The following NCOA7 variants were observed in gnomAD, a reference collection of about 807,000 sequenced individuals.
NCOA7 encodes the protein 140 kDa estrogen receptor-associated protein.
A neutral mutation model predicts 104.3 loss-of-function variants in NCOA7; 45 were observed. The observed-to-expected ratio is 0.43, with a 90% CI of 0.34 to 0.55. The LOEUF (loss-of-function observed/expected upper bound fraction) is 0.55, where lower values mean the gene tolerates loss of function less well. Among genes scored for constraint, NCOA7 ranks in the 20% least tolerant of loss-of-function variants. The pLI is 0.02. For synonymous variants in NCOA7, 398 were observed against 402.3 expected (o/e 0.99, Z 0.13); for missense variants, 1,041 against 1,119.7 (o/e 0.93, Z 1.00).
At chr6:125,818,016 C>T (rs1442536450) in intron 2 of NCOA7, among the ~76,000 whole-genome samples, 1 of 151,646 alleles carries the variant, frequency 6.6e-6, no homozygotes, top group Non-Finnish European at 1.5e-5. Flanking sequence ...TCTTCCTGCT[C>T]CTCTTCCTGC....
At chr6:125,809,647 T>C (rs1160347088) in intron 1 of NCOA7, among the ~76,000 whole-genome samples, 1 of 152,220 alleles carries the variant, frequency 6.6e-6, no homozygotes, top group Non-Finnish European at 1.5e-5. Context: ...TGAACACCTG[T>C]CATATTTTGG....
intron 1 of NCOA7, among the ~76,000 whole-genome samples, chr6:125,806,965 T>C (rs1776515267): frequency 6.6e-6 from 1 of 152,212 alleles, no homozygotes; most frequent in Non-Finnish European, 1.5e-5. Context: ...TTGATAAGGC[T>C]GAGAACTGCG....
intron 4 of NCOA7, among the ~76,000 whole-genome samples, chr6:125,877,605 G>C (rs1333698009): frequency 1.3e-5 from 2 of 152,158 alleles, no homozygotes; most frequent in Non-Finnish European, 2.9e-5. Flanking sequence ...CAGAAGGAAA[G>C]AAAAGTGTAC....
At chr6:125,830,380 C>T (rs1779064950) in intron 2 of NCOA7, among the ~76,000 whole-genome samples, 1 of 152,046 alleles carries the variant, frequency 6.6e-6, no homozygotes, top group Admixed American at 6.6e-5. Context: ...TTGATATGAC[C>T]TGATTAATGC....
intron 1 of NCOA7, among the ~76,000 whole-genome samples, chr6:125,805,201 T>C (rs1361753584): frequency 6.9e-6 from 1 of 144,438 alleles, no homozygotes; most frequent in African/African-American, 2.5e-5. Flanking sequence ...GTTCAAGCAA[T>C]TCTCCTGCCT....
intron 5 of NCOA7, among the ~76,000 whole-genome samples, chr6:125,880,795 G>A (rs530546197): frequency 6.6e-6 from 1 of 152,292 alleles, no homozygotes; most frequent in South Asian, 2.1e-4. Flanking sequence ...GTCTCCCAAA[G>A]TGCTGGGATT....
At chr6:125,886,538 A>T (rs1357786668) in intron 8 of NCOA7, among the ~76,000 whole-genome samples, 2 of 152,242 alleles carry the variant, frequency 1.3e-5, no homozygotes, top group African/African-American at 4.8e-5. Context: ...TAATGCCATG[A>T]TTACAGGAAA....
chr6:125,815,881 G>A (rs1206192485), intron 2 of NCOA7, among the ~76,000 whole-genome samples: 2 of 152,134 alleles, frequency 1.3e-5, no homozygotes, highest in Non-Finnish European at 2.9e-5. Flanking sequence ...CATTTTTAAG[G>A]CTGGAACTTG....
intron 2 of NCOA7, among the ~76,000 whole-genome samples, chr6:125,843,480 C>T (rs1780344774): frequency 6.6e-6 from 1 of 152,136 alleles, no homozygotes; most frequent in South Asian, 2.1e-4. Flanking sequence ...GTCAATTTAA[C>T]TATGTTAAAT....
intron 1 of NCOA7, among the ~76,000 whole-genome samples, chr6:125,800,692 C>T (rs1370381621): frequency 6.6e-6 from 1 of 152,176 alleles, no homozygotes; most frequent in African/African-American, 2.4e-5. Flanking sequence ...AGTTTACAGT[C>T]TGATTGGAAG....
At chr6:125,912,738 A>T (rs1786693166) in intron 10 of NCOA7, among the ~76,000 whole-genome samples, 1 of 152,224 alleles carries the variant, frequency 6.6e-6, no homozygotes. Context: ...AAGTCTAGAC[A>T]CATTCCAAAG....
intron 11 of NCOA7, chr6:125,919,387 C>T: frequency 6.2e-7 from 1 of 1,612,778 alleles, no homozygotes; most frequent in Non-Finnish European, 8.5e-7. Context: ...CTTGGACATC[C>T]AGATTTTCTA....
chr6:125,892,951 C>G lies in NCOA7; in HGVS notation c.2096+2141C>G, dbSNP rs139301513. 1.8e-3 allele frequency among the ~76,000 whole-genome samples: 267 copies of G among 152,214 alleles called. 2 individuals are homozygous for G. The highest frequency in any genetic ancestry group is 6.3e-3 in the African/African-American group (262 of 41,532). On this transcript the variant is annotated intron_variant, in intron 10 of 15. Transcript: ENST00000392477. Reference sequence around the variant, plus strand: ...CCATGTCTACCTCCCCTGAAGGGACCTACATTTTAGTTTAAGTAGGGGGAA... The same window carrying G: ...CCATGTCTACCTCCCCTGAAGGGACGTACATTTTAGTTTAAGTAGGGGGAA...
At chr6:125,862,455 A>G (rs1400103750) in intron 3 of NCOA7, among the ~76,000 whole-genome samples, 1 of 138,442 alleles carries the variant, frequency 7.2e-6, no homozygotes. Flanking sequence ...AAGGTCAAAG[A>G]CAAGACATTC....
At chr6:125,788,102 A>G (rs1200279640), upstream of NCOA7, among the ~76,000 whole-genome samples, 1 of 152,246 alleles carries the variant, frequency 6.6e-6, no homozygotes, top group Non-Finnish European at 1.5e-5. Flanking sequence ...AAGATTTCCC[A>G]AATTATTTCA....
chr6:125,883,641 A>G (rs530066306), intron 7 of NCOA7, among the ~76,000 whole-genome samples: 1 of 149,978 alleles, frequency 6.7e-6, no homozygotes, highest in East Asian at 2.0e-4. Context: ...TATTCCTTCT[A>G]TCTAACTGTA....
rs1254185119 is a variant in NCOA7 at position 125,821,853 on chromosome 6, G to A, written c.50+6449G>A. The stretch of plus-strand genomic sequence containing the variant: ...ATGCAGAAATAATTCTGTACAAAAA[G>A]CCTTCCTTTGTCCTCTTGGTCAAAT... On this transcript the variant is annotated intron_variant, in intron 2 of 15. Transcript: ENST00000392477. Among the ~76,000 whole-genome samples, 7 of 151,964 alleles carry A rather than the reference G, an allele frequency of 4.6e-5. No homozygotes were observed. The South Asian group carries it at 8.3e-4, about 18-fold the overall frequency.
At chr6:125,787,691 A>G (rs562496528), upstream of NCOA7, among the ~76,000 whole-genome samples, 65 of 152,360 alleles carry the variant, frequency 4.3e-4, 1 homozygote, top group South Asian at 8.5e-3. Context: ...CCTCACAGCC[A>G]TAAAATCAGT....
intron 1 of NCOA7, among the ~76,000 whole-genome samples, chr6:125,807,673 T>C (rs1433102417): frequency 1.3e-5 from 2 of 152,204 alleles, no homozygotes; most frequent in African/African-American, 4.8e-5. Context: ...ATCCAGGATG[T>C]TATTAAGTAC....
Sources: allele counts gnomAD v4.1 joint callset (sites outside exome capture counted in the v4.1 genomes callset), GRCh38; gene constraint gnomAD v4.1.1; transcripts MANE v1.5; gene names NCBI Gene and HGNC (gene_info 2026-07-23, HGNC 2026-07-21).